Variants in HMCN1 observed in about 807,000 individuals in gnomAD.
HMCN1 encodes the protein hemicentin-1.
In HMCN1, 321 loss-of-function variants were observed where a neutral mutation model predicts 625.9. The observed-to-expected ratio is 0.51, with a 90% CI of 0.47 to 0.56. The LOEUF is 0.56. HMCN1 is among the 20% of genes least tolerant of loss of function. The pLI is 0.00. For missense variants in HMCN1, 6,588 were observed against 6,887.3 expected, an observed-to-expected ratio of 0.96 and a Z score of 1.54; for synonymous variants, 2,425 against 2,417.6, an observed-to-expected ratio of 1.00 and a Z score of -0.09.
intron 82 of HMCN1, 142 bp downstream of exon 82, chr1:186,125,936 A>G: frequency 1.5e-6 from 1 of 649,494 alleles, no homozygotes. Flanking sequence ...TTAATTTTAC[A>G]CGTATTTCAT....
At chr1:185,865,148 A>G (rs1184837007) in intron 3 of HMCN1, among the ~76,000 whole-genome samples, 2 of 152,220 alleles carry the variant, frequency 1.3e-5, no homozygotes, top group African/African-American at 4.8e-5. Flanking sequence ...CTTGACTGTC[A>G]GGAGACCTGG....
intron 10 of HMCN1, among the ~76,000 whole-genome samples, chr1:185,929,075 C>T (rs1667417323): frequency 6.6e-6 from 1 of 151,862 alleles, no homozygotes; most frequent in Admixed American, 6.6e-5. Context: ...TTGAAATGAT[C>T]ATATAGCATT....
chr1:185,787,133 C>T (rs1657649100), intron 1 of HMCN1, among the ~76,000 whole-genome samples: 1 of 144,776 alleles, frequency 6.9e-6, no homozygotes, highest in Non-Finnish European at 1.5e-5. Context: ...TATGAAGCGC[C>T]ATGATGTATG....
intron 58 of HMCN1, among the ~76,000 whole-genome samples, chr1:186,086,770 ATAGG>A (rs1308297632): frequency 6.7e-6 from 1 of 150,108 alleles, no homozygotes; most frequent in African/African-American, 2.5e-5. Context: ...AGATAGATAG[ATAGG>A]TAGATAGATA....
intron 14 of HMCN1, among the ~76,000 whole-genome samples, chr1:185,967,240 A>G (rs1241938437): frequency 6.6e-6 from 1 of 152,164 alleles, no homozygotes; most frequent in African/African-American, 2.4e-5. Context: ...GCAGAGTCTC[A>G]CAAACAGTCT....
intron 42 of HMCN1, 30 bp from the exon 43 acceptor site, chr1:186,052,922 T>C (rs572026408): frequency 1.3e-6 from 2 of 1,558,784 alleles, no homozygotes; most frequent in African/African-American, 2.7e-5. Context: ...ATGAAATGAG[T>C]GGAAAAATCA....
At chr1:186,081,113 T>G in intron 55 of HMCN1, 94 bp from the exon 56 acceptor site, 2 of 1,039,888 alleles carry the variant, frequency 1.9e-6, no homozygotes, top group Middle Eastern at 2.8e-4. Context: ...GCTTCTCTAT[T>G]ATTATCCCAA....
intron 4 of HMCN1, among the ~76,000 whole-genome samples, chr1:185,869,146 A>T (rs1663452765): frequency 1.3e-5 from 2 of 152,302 alleles, no homozygotes; most frequent in Admixed American, 6.5e-5. Flanking sequence ...AATCAAACCC[A>T]TCCTACTGCT....
At chr1:185,909,577 T>G (rs1330080432) in intron 5 of HMCN1, 69 bp downstream of exon 5, 2 of 1,368,050 alleles carry the variant, frequency 1.5e-6, no homozygotes, top group Admixed American at 1.8e-5. Flanking sequence ...TTCACACACT[T>G]GTTTTTGTCA....
chr1:186,081,652 T>C (rs1342800918), intron 56 of HMCN1, among the ~76,000 whole-genome samples: 1 of 152,186 alleles, frequency 6.6e-6, no homozygotes, highest in Non-Finnish European at 1.5e-5. Context: ...CAATATGGCC[T>C]TTCTGATAAA....
chr1:186,095,832 T>G (rs1165008426), intron 68 of HMCN1, among the ~76,000 whole-genome samples: 1 of 152,114 alleles, frequency 6.6e-6, no homozygotes, highest in African/African-American at 2.4e-5. Flanking sequence ...CACATCCGAT[T>G]ATAGAAATTT....
At chr1:186,088,552 T>C (rs778939986) in intron 62 of HMCN1, 54 bp from the exon 63 acceptor site, 28 of 1,565,340 alleles carry the variant, frequency 1.8e-5, no homozygotes, top group African/African-American at 2.7e-5. Flanking sequence ...ATTTTAGAGA[T>C]GTTAAAGTTT....
chr1:185,970,592 A>G, intron 15 of HMCN1, 99 bp downstream of exon 15: 1 of 1,031,822 alleles, frequency 9.7e-7, no homozygotes, highest in South Asian at 1.3e-5. Context: ...TATTCATCAG[A>G]ATGGCAAAAT....
At chr1:185,952,791 G>A (rs542078570) in intron 11 of HMCN1, among the ~76,000 whole-genome samples, 3 of 151,622 alleles carry the variant, frequency 2.0e-5, no homozygotes, top group Non-Finnish European at 4.4e-5. Context: ...AGTGAAGGAG[G>A]CAAGCCTAGA....
chr1:185,829,450 C>A (rs917710140), intron 1 of HMCN1, among the ~76,000 whole-genome samples: 1 of 152,034 alleles, frequency 6.6e-6, no homozygotes, highest in Admixed American at 6.6e-5. Context: ...GTCATTCCCC[C>A]CTCTGTGTCC....
chr1:185,793,780 T>C (rs1658161182), intron 1 of HMCN1, among the ~76,000 whole-genome samples: 2 of 152,176 alleles, frequency 1.3e-5, no homozygotes, highest in African/African-American at 4.8e-5. Context: ...TCAAATAATA[T>C]ATGCCTCCAG....
chr1:185,778,310 A>G (rs1399178594), intron 1 of HMCN1, among the ~76,000 whole-genome samples: 3 of 151,418 alleles, frequency 2.0e-5, no homozygotes, highest in Non-Finnish European at 4.4e-5. Flanking sequence ...AAGGCTTCCC[A>G]TTCCCTCGGA....
chr1:185,819,237 CAAAA>C (rs575598587), intron 1 of HMCN1, among the ~76,000 whole-genome samples: 1 of 125,136 alleles, frequency 8.0e-6, no homozygotes, highest in Non-Finnish European at 1.7e-5. Flanking sequence ...ATCTCCATCT[CAAAA>C]AAAAAAAAAA....
At chr1:185,980,092 T>C (rs1275041707) in intron 16 of HMCN1, among the ~76,000 whole-genome samples, 4 of 152,188 alleles carry the variant, frequency 2.6e-5, no homozygotes, top group African/African-American at 9.7e-5. Flanking sequence ...AAATTCTATA[T>C]ATTTGATCTA....
Sources: allele counts gnomAD v4.1 joint callset (sites outside exome capture counted in the v4.1 genomes callset), GRCh38; gene constraint gnomAD v4.1.1; transcripts MANE v1.5; gene names NCBI Gene and HGNC (gene_info 2026-07-23, HGNC 2026-07-21).